Variants in KCTD7 observed in about 807,000 individuals in gnomAD.
KCTD7 encodes BTB/POZ domain-containing protein KCTD7.
Under a neutral mutation model 27.0 loss-of-function variants are expected in KCTD7, and 15 were observed. That is an observed-to-expected ratio of 0.56 (90% CI 0.37 to 0.86). The LOEUF (loss-of-function observed/expected upper bound fraction) is 0.86, where lower values mean the gene tolerates loss of function less well. KCTD7 is among the 40% of genes least tolerant of loss of function. The pLI, the probability that KCTD7 is intolerant of heterozygous loss-of-function variation, is 0.00. For missense variants in KCTD7, 299 were observed against 398.9 expected (o/e 0.75, Z 2.13); for synonymous variants, 159 against 162.7 (o/e 0.98, Z 0.17).
chr7:66,629,060 G>C lies in KCTD7; in HGVS notation c.-5G>C, dbSNP rs1786379491. 6.6e-7 allele frequency: 1 copy of C among 1,516,164 alleles called. No individual in the cohort carries two copies. 93.9% of individuals were successfully genotyped at this position (1,516,164 alleles called of 1,614,324 possible). ...AAGCCGCGCCCACTGCCCAGAGCCA[G>C]AGGGATGGTGGTAGTCACGGGGCGG... On this transcript the variant is annotated 5_prime_UTR_variant, in exon 1 of 4. Transcript: ENST00000639828.
In KCTD7 at chr7:66,638,943, A is replaced by T. The variant is rs1786649101; in HGVS notation, c.581A>T (p.Lys194Met). 1 of 1,614,058 alleles carries T rather than the reference A, an allele frequency of 6.2e-7. No individual in the cohort carries two copies. Among genetic ancestry groups the T allele is most frequent in the Non-Finnish European group, 8.5e-7 (1 of 1,180,032 alleles). ...GCCAAGCTCAAGGTCTGTGTCTTCAAGGAGGAGATGCCCATCACCCCCTAT... is the reference window on the plus strand; with the variant it reads ...GCCAAGCTCAAGGTCTGTGTCTTCATGGAGGAGATGCCCATCACCCCCTAT... ...RFAKLKVCVF[K>M]EEMPITPYEC... The change falls in exon 4 of 4, where the codon AAG (lysine) becomes ATG (methionine). Residue 194 changes from lysine to methionine, a missense_variant. Physicochemically the swap from Lys to Met is moderately conservative, Grantham distance 95. Transcript: ENST00000639828.
intron 1 of KCTD7, among the ~76,000 whole-genome samples, chr7:66,631,042 C>T (rs532877140): frequency 2.4e-4 from 37 of 152,268 alleles, no homozygotes; most frequent in Middle Eastern, 6.8e-3. Context: ...AGAATAAGCG[C>T]AAGGCATTTT....
rs140852358 is a variant in KCTD7, at chr7:66,641,137, T to A, written c.*1905T>A. The A allele has an allele frequency of 1.0e-6, 1 of 985,344 alleles. No homozygotes were observed. Among genetic ancestry groups the A allele is most frequent in the Non-Finnish European group, 1.2e-6 (1 of 829,952 alleles). The allele number at this position is 985,344 out of a possible 1,614,324, so 61.0% of individuals were successfully genotyped here. Reference sequence around the variant, plus strand: ...GGATAGTCATTCACGTTCTGAGATATGCGCTCTCTCTATTGTTCTCGTACA... The same window carrying A: ...GGATAGTCATTCACGTTCTGAGATAAGCGCTCTCTCTATTGTTCTCGTACA... On this transcript the variant is annotated 3_prime_UTR_variant, in exon 4 of 4. Coordinates refer to ENST00000639828, the MANE Select transcript of KCTD7 (RefSeq NM_153033.5).
In KCTD7 at chr7:66,639,466, CT is replaced by C; in HGVS notation, c.*237del. 1 of 1,435,256 alleles carries C rather than the reference CT, an allele frequency of 7.0e-7. No homozygotes were observed. Among genetic ancestry groups the C allele is most frequent in the Non-Finnish European group, 9.1e-7 (1 of 1,096,868 alleles). 88.9% of individuals were successfully genotyped at this position (1,435,256 alleles called of 1,614,324 possible). On this transcript the variant is annotated 3_prime_UTR_variant, in exon 4 of 4. Transcript: ENST00000639828. Reference sequence around the variant, plus strand: ...GCACTCCAGCCAGCGCTCACCTGGCCTTTCCTCAAGGCATGGTAGTCTTTCC... The same window carrying C: ...GCACTCCAGCCAGCGCTCACCTGGCCTTCCTCAAGGCATGGTAGTCTTTCC...
Position 66,632,360 on chromosome 7 carries a change from A to G in KCTD7, c.145-915A>G, listed in dbSNP as rs1277907328. Among the ~76,000 whole-genome samples, 3 of 151,650 alleles carry G rather than the reference A, an allele frequency of 2.0e-5. No individual in the cohort carries two copies. In the East Asian group the frequency reaches 5.9e-4, roughly 30 times the overall value. On this transcript the variant is annotated intron_variant, in intron 1 of 3. Transcript: ENST00000639828. Reference sequence around the variant, plus strand: ...AAATTAGCCAGTCGTGGTGGCAGGCACCTGTAGTCCCAGCTACTCGGGAGG... The same window carrying G: ...AAATTAGCCAGTCGTGGTGGCAGGCGCCTGTAGTCCCAGCTACTCGGGAGG...
intron 1 of KCTD7, among the ~76,000 whole-genome samples, chr7:66,632,552 A>T (rs1638734): frequency 6.6e-6 from 1 of 151,936 alleles, no homozygotes; most frequent in South Asian, 2.1e-4. Context: ...GCTTTTATGC[A>T]GTGAACAACC....
rs1175774337 is a variant in KCTD7, at chr7:66,635,955, G to A, written c.315-2298G>A. Among the ~76,000 whole-genome samples, 5 of 152,288 alleles carry A rather than the reference G, an allele frequency of 3.3e-5. No individual in the cohort carries two copies. The East Asian group carries it at 9.7e-4, about 29-fold the overall frequency. On this transcript the variant is annotated intron_variant, in intron 2 of 3. Transcript: ENST00000639828. ...GAAGGGATTTTGGGGAGGGGTTCTG[G>A]GTTTGACTTGAGGTGGATGTGCCCA...
Position 66,642,733 on chromosome 7 carries a change from C to T in KCTD7, c.*3501C>T. ...AGAGAGAGGCTTTTTTCATCCAAAGCTGTAGTGTTGGGAACTGGGGTGGGA... is the reference window on the plus strand; with the variant it reads ...AGAGAGAGGCTTTTTTCATCCAAAGTTGTAGTGTTGGGAACTGGGGTGGGA... On this transcript the variant is annotated 3_prime_UTR_variant, in exon 4 of 4. Transcript: ENST00000639828. 1.0e-5 allele frequency: 10 copies of T among 985,216 alleles called. No homozygotes were observed. Among genetic ancestry groups the T allele is most frequent in the Non-Finnish European group, 9.6e-6 (8 of 829,930 alleles). 61.0% of individuals were successfully genotyped at this position (985,216 alleles called of 1,614,324 possible). A position where few individuals can be genotyped will look rare whatever the true frequency, so the allele number is the denominator to read the frequency against.
chr7:66,640,444 T>A lies in KCTD7; in HGVS notation c.*1212T>A. ...TGTTACTACTGCATTTCCTTCTTGC[T>A]CTGTCTACAGCCTAGGCCAACTAGT... On this transcript the variant is annotated 3_prime_UTR_variant, in exon 4 of 4. Coordinates refer to ENST00000639828, the MANE Select transcript of KCTD7 (RefSeq NM_153033.5). 1 of 1,537,334 alleles carries A rather than the reference T, an allele frequency of 6.5e-7. No individual in the cohort carries two copies. The highest frequency in any genetic ancestry group is 8.7e-7 in the Non-Finnish European group (1 of 1,146,926).
At chr7:66,635,469 A>T (rs964333318) in intron 2 of KCTD7, among the ~76,000 whole-genome samples, 1 of 152,038 alleles carries the variant, frequency 6.6e-6, no homozygotes, top group South Asian at 2.1e-4. Flanking sequence ...CAGGCTTGTC[A>T]AAGAGGATTA....
At chr7:66,632,313 C>CCG (rs1786468258) in intron 1 of KCTD7, among the ~76,000 whole-genome samples, 2 of 151,892 alleles carry the variant, frequency 1.3e-5, no homozygotes, top group East Asian at 1.9e-4. Flanking sequence ...CGGTGAAACC[C>CCG]TATCTCTACT....
chr7:66,640,626 A>C lies in KCTD7; in HGVS notation c.*1394A>C, dbSNP rs1413811551. On this transcript the variant is annotated 3_prime_UTR_variant, in exon 4 of 4. Transcript: ENST00000639828. Reference sequence around the variant, plus strand: ...GATTTTTTTTTTTAATGTGTAAAGAATTGATGCGAGCCAGGAACATGTCTG... The same window carrying C: ...GATTTTTTTTTTTAATGTGTAAAGACTTGATGCGAGCCAGGAACATGTCTG... 5.8e-6 allele frequency: 8 copies of C among 1,379,474 alleles called. No homozygotes were observed. Among genetic ancestry groups the C allele is most frequent in the Non-Finnish European group, 7.5e-6 (8 of 1,069,924 alleles). 85.5% of individuals were successfully genotyped at this position (1,379,474 alleles called of 1,614,324 possible). A position where few individuals can be genotyped will look rare whatever the true frequency, so the allele number is the denominator to read the frequency against.
rs1786697755 is a variant in KCTD7, at chr7:66,640,828, C to T, written c.*1596C>T. On this transcript the variant is annotated 3_prime_UTR_variant, in exon 4 of 4. Coordinates refer to ENST00000639828, the MANE Select transcript of KCTD7 (RefSeq NM_153033.5). ...TGTGCTCCAGCCTGGGCAACACCAT[C>T]GTAAAAATAAATAAATAAATAAATA... The T allele has an allele frequency of 5.1e-6, 5 of 975,776 alleles. No individual in the cohort carries two copies. Among genetic ancestry groups the T allele is most frequent in the Admixed American group, 6.1e-5 (1 of 16,352 alleles). 60.4% of individuals were successfully genotyped at this position (975,776 alleles called of 1,614,324 possible).
At chr7:66,637,643 A>G (rs1222608117) in intron 2 of KCTD7, among the ~76,000 whole-genome samples, 1 of 152,218 alleles carries the variant, frequency 6.6e-6, no homozygotes, top group East Asian at 1.9e-4. Flanking sequence ...AGAACATACT[A>G]TATAATTCTG....
rs1786378618 is a variant in KCTD7, at chr7:66,629,031, C to T, written c.-34C>T. The T allele has an allele frequency of 4.0e-6, 6 of 1,483,272 alleles. No individual in the cohort carries two copies. The Admixed American group carries it at 9.3e-5, about 23-fold the overall frequency. The allele number at this position is 1,483,272 out of a possible 1,614,324, so 91.9% of individuals were successfully genotyped here. A position where few individuals can be genotyped will look rare whatever the true frequency, so the allele number is the denominator to read the frequency against. ...TGCCCGGGGCCGCCGCCTCCGCCCG[C>T]CCGAAGCCGCGCCCACTGCCCAGAG... On this transcript the variant is annotated 5_prime_UTR_variant, in exon 1 of 4. Transcript: ENST00000639828.
Position 66,641,980 on chromosome 7 carries a change from A to T in KCTD7, c.*2748A>T. ...GTGCATCTTTATAGAATTGTTGTGC[A>T]TAATGTCAGTAAATCCCTCTCACTT... On this transcript the variant is annotated 3_prime_UTR_variant, in exon 4 of 4. Transcript: ENST00000639828. The T allele has an allele frequency of 1.0e-6, 1 of 985,456 alleles. No individual in the cohort carries two copies. The highest frequency in any genetic ancestry group is 1.2e-6 in the Non-Finnish European group (1 of 829,948). The allele number at this position is 985,456 out of a possible 1,614,324, so 61.0% of individuals were successfully genotyped here.
intron 3 of KCTD7, 143 bp downstream of exon 3, chr7:66,638,574 C>CA: frequency 1.0e-6 from 1 of 978,398 alleles, no homozygotes; most frequent in Non-Finnish European, 1.5e-6. Flanking sequence ...CCTTCCCAGT[C>CA]ACGCTGGGGA....
chr7:66,629,337 T>G, intron 1 of KCTD7, 129 bp downstream of exon 1: 2 of 650,864 alleles, frequency 3.1e-6, no homozygotes, highest in Non-Finnish European at 2.1e-6. Flanking sequence ...CTTGCGCCCC[T>G]CCCCCGCCCA....
In KCTD7 at chr7:66,640,130, G is replaced by A; in HGVS notation, c.*898G>A. 1.5e-6 allele frequency: 2 copies of A among 1,351,136 alleles called. No homozygotes were observed. The highest frequency in any genetic ancestry group is 1.9e-6 in the Non-Finnish European group (2 of 1,058,210). The allele number at this position is 1,351,136 out of a possible 1,614,324, so 83.7% of individuals were successfully genotyped here. On this transcript the variant is annotated 3_prime_UTR_variant, in exon 4 of 4. Transcript: ENST00000639828. Reference sequence around the variant, plus strand: ...TATCTCATGTGTTAGAATCCAGTTTGTGGTGAACCTCTTTGGAAGGGGACC... The same window carrying A: ...TATCTCATGTGTTAGAATCCAGTTTATGGTGAACCTCTTTGGAAGGGGACC...
Sources: allele counts gnomAD v4.1 joint callset (sites outside exome capture counted in the v4.1 genomes callset), GRCh38; gene constraint gnomAD v4.1.1; transcripts MANE v1.5; gene names NCBI Gene and HGNC (gene_info 2026-07-23, HGNC 2026-07-21).